The following HDAC9 variants were observed in gnomAD, a reference collection of about 807,000 sequenced individuals.
HDAC9 encodes MEF-2 interacting transcription repressor (MITR) protein.
In HDAC9, 41 loss-of-function variants were observed where a neutral mutation model predicts 139.4. That is an observed-to-expected ratio of 0.29 (90% CI 0.23 to 0.38). HDAC9 has a LOEUF of 0.38. Among genes scored for constraint, HDAC9 ranks in the 10% least tolerant of loss-of-function variants. The probability of loss-of-function intolerance (pLI) is 1.00; values close to 1 mark genes in which losing one functional copy is unlikely to be tolerated. For synonymous variants in HDAC9, 517 were observed against 476.2 expected (o/e 1.09, Z -1.12); for missense variants, 1,147 against 1,297.0 (o/e 0.88, Z 1.78).
intron 12 of HDAC9, among the ~76,000 whole-genome samples, chr7:18,697,336 G>C (rs757759959): frequency 4.8e-4 from 73 of 152,086 alleles, no homozygotes; most frequent in Admixed American, 1.0e-3. Flanking sequence ...AGGAATGCAT[G>C]ATCTTTGTAG....
At position 19,000,431 on chromosome 7, in the gene HDAC9, G is replaced by A. The variant is rs1786695138; in HGVS notation, c.*4369G>A. 2 of 152,208 alleles carry A rather than the reference G, an allele frequency of 1.3e-5. No individual in the cohort carries two copies. The highest frequency in any genetic ancestry group is 6.5e-5 in the Admixed American group (1 of 15,280). The allele number at this position is 152,208 out of a possible 1,614,324, so 9.4% of individuals were successfully genotyped here. A position where few individuals can be genotyped will look rare whatever the true frequency, so the allele number is the denominator to read the frequency against. ...GCAGAGCATGATTGTCAAGTGACCAGAGGATGACATTTGTAAGTGAACGTG... is the reference window on the plus strand; with the variant it reads ...GCAGAGCATGATTGTCAAGTGACCAAAGGATGACATTTGTAAGTGAACGTG... On this transcript the variant is annotated 3_prime_UTR_variant, in exon 26 of 26. Transcript: ENST00000686413.
intron 1 of HDAC9, chr7:18,087,766 T>C (rs1043678348): frequency 6.6e-6 from 1 of 152,170 alleles, no homozygotes; most frequent in Non-Finnish European, 1.5e-5. Flanking sequence ...ACTGGTTAAT[T>C]AGATGCCATA....
At chr7:18,286,104 ATCT>A, upstream of HDAC9, among the ~76,000 whole-genome samples, 1 of 152,216 alleles carries the variant, frequency 6.6e-6, no homozygotes, top group South Asian at 2.1e-4. Flanking sequence ...AAACTGTATA[ATCT>A]TCTGATTCTG....
At chr7:18,210,233 A>G (rs1018316181) in intron 2 of HDAC9, among the ~76,000 whole-genome samples, 43 of 152,206 alleles carry the variant, frequency 2.8e-4, no homozygotes, top group African/African-American at 1.0e-3. Context: ...GACAAGACAT[A>G]GATCTGGCTC....
chr7:18,813,450 T>C (rs2129192678), intron 17 of HDAC9, among the ~76,000 whole-genome samples: 1 of 152,234 alleles, frequency 6.6e-6, no homozygotes, highest in Admixed American at 6.5e-5. Flanking sequence ...GAGAGGGGTG[T>C]TGAAGCTCTT....
At chr7:18,333,137 C>G (rs202121126) in intron 1 of HDAC9, among the ~76,000 whole-genome samples, 1 of 151,246 alleles carries the variant, frequency 6.6e-6, no homozygotes, top group East Asian at 1.9e-4. Flanking sequence ...AAATAAACAA[C>G]GATTTGGAAG....
chr7:18,345,350 C>T (rs1363499116), intron 1 of HDAC9, among the ~76,000 whole-genome samples: 2 of 151,926 alleles, frequency 1.3e-5, no homozygotes, highest in Non-Finnish European at 2.9e-5. Context: ...CTCCTTTGTG[C>T]TTCTAAATTG....
intron 16 of HDAC9, among the ~76,000 whole-genome samples, chr7:18,773,589 A>G (rs1790505917): frequency 6.6e-6 from 1 of 152,100 alleles, no homozygotes; most frequent in Admixed American, 6.6e-5. Context: ...ATAAAAGCTG[A>G]GAAAGTAAAA....
At chr7:18,691,133 CTAAT>C (rs886963456) in intron 12 of HDAC9, among the ~76,000 whole-genome samples, 3 of 151,890 alleles carry the variant, frequency 2.0e-5, no homozygotes, top group African/African-American at 7.3e-5. Flanking sequence ...TGAAACCCAT[CTAAT>C]TAATGATGAA....
intron 2 of HDAC9, among the ~76,000 whole-genome samples, chr7:18,214,290 T>G (rs1003239625): frequency 2.0e-5 from 3 of 152,144 alleles, no homozygotes; most frequent in South Asian, 2.1e-4. Flanking sequence ...ATGGTGTGTC[T>G]GGCTCAGGAT....
intron 24 of HDAC9, among the ~76,000 whole-genome samples, chr7:18,973,892 A>T (rs1367567736): frequency 2.0e-5 from 3 of 152,130 alleles, no homozygotes; most frequent in Non-Finnish European, 4.4e-5. Context: ...CATCACCCAT[A>T]ATCTCTCCAA....
intron 13 of HDAC9, among the ~76,000 whole-genome samples, chr7:18,731,126 G>A (rs886686363): frequency 8.5e-5 from 13 of 152,142 alleles, no homozygotes; most frequent in African/African-American, 2.9e-4. Context: ...TTAAAACTTA[G>A]AATTTGGTTG....
In HDAC9 at chr7:18,749,056, C is replaced by A. The variant is rs1562910625; in HGVS notation, c.1961C>A (p.Ser654Tyr). ...AAACACCAGTGCGTTTGTGGCAATT[C>A]CACCACCCACCCTGAGCATGCTGGA... is the stretch of plus-strand genomic sequence containing the variant. ...MLKHQCVCGNSTTHPEHAGRI... is the reference protein window; with the variant it reads ...MLKHQCVCGNYTTHPEHAGRI... Residue 654 changes from serine (S) to tyrosine (Y), a missense_variant, in exon 14 of 26, where the codon TCC (serine) becomes TAC (tyrosine). Transcript: ENST00000686413. 1 of 1,613,522 alleles carries A rather than the reference C, an allele frequency of 6.2e-7. No individual in the cohort carries two copies. The highest frequency in any genetic ancestry group is 8.5e-7 in the Non-Finnish European group (1 of 1,179,710).
rs11348285 is a variant in HDAC9 at position 18,783,661 on chromosome 7, CTT to C, written c.2215-9668_2215-9667del. On this transcript the variant is annotated intron_variant, in intron 16 of 25. Coordinates refer to ENST00000686413, the MANE Select transcript of HDAC9 (RefSeq NM_178425.4). ...ATCAACTCAACTAGTTCTGCTGAGA[CTT>C]TTTTTTTTTTTTTTTGCCTTTCCCG... Among the ~76,000 whole-genome samples the C allele has an allele frequency of 5.3e-3, 703 of 132,332 alleles. 2 individuals carry two copies. The highest frequency in any genetic ancestry group is 0.02 in the Middle Eastern group (5 of 256). 86.8% of individuals were successfully genotyped at this position (132,332 alleles called of 152,430 possible).
Position 18,128,995 on chromosome 7 carries a change from G to A in HDAC9, c.-96-33234G>A, listed in dbSNP as rs369877096. ...ATTGCCTTATCTGGATTTCCAGAGC[G>A]CATTTCTCCTCATGTGCTTTTTCGC... On this transcript the variant is annotated intron_variant, in intron 1 of 12. Transcript: ENST00000417496. Among the ~76,000 whole-genome samples the A allele has an allele frequency of 4.7e-4, 71 of 152,150 alleles. No individual in the cohort carries two copies. In the South Asian group the frequency reaches 0.014, roughly 30 times the overall value.
Position 18,839,670 on chromosome 7 carries a change from A to G in HDAC9, c.2684+3673A>G, listed in dbSNP as rs996403256. Among the ~76,000 whole-genome samples, 9 of 152,212 alleles carry G rather than the reference A, an allele frequency of 5.9e-5. No homozygotes were observed. In the East Asian group the frequency reaches 1.7e-3, roughly 29 times the overall value. ...GCTTCTTAAAAACTATGCTCTACAA[A>G]GAACTCTGAACATCTATTCATTTTG... On this transcript the variant is annotated intron_variant, in intron 21 of 25. Transcript: ENST00000686413.
intron 2 of HDAC9, among the ~76,000 whole-genome samples, chr7:18,522,902 A>G (rs1308249851): frequency 1.3e-5 from 2 of 152,254 alleles, no homozygotes; most frequent in Non-Finnish European, 2.9e-5. Context: ...ACAAGCATTT[A>G]TGGATGTCCA....
intron 2 of HDAC9, among the ~76,000 whole-genome samples, chr7:18,167,226 G>A (rs182988620): frequency 6.7e-6 from 1 of 150,266 alleles, no homozygotes; most frequent in Non-Finnish European, 1.5e-5. Flanking sequence ...TAACTTCACA[G>A]TTAAGTGATT....
chr7:18,527,686 T>A (rs760625958), intron 2 of HDAC9, among the ~76,000 whole-genome samples: 3 of 152,164 alleles, frequency 2.0e-5, no homozygotes, highest in Non-Finnish European at 4.4e-5. Context: ...AATGTAAAAA[T>A]TTTAAGGATC....
Sources: gnomAD v4.1 joint callset for allele counts (sites outside exome capture counted in the v4.1 genomes callset) on GRCh38, gnomAD v4.1.1 for gene constraint, MANE v1.5 for transcripts, NCBI Gene and HGNC (gene_info 2026-07-23, HGNC 2026-07-21) for gene names.